WWP2: variants seen among roughly 807,000 people sequenced by gnomAD.
The protein encoded by WWP2 is NEDD4-like E3 ubiquitin-protein ligase WWP2.
Under a neutral mutation model 121.0 loss-of-function variants are expected in WWP2, and 57 were observed. The observed-to-expected ratio is 0.47, with a 90% confidence interval of 0.38 to 0.59. The LOEUF is 0.59. Ranked by LOEUF, WWP2 falls within the 20% of genes least tolerant of loss-of-function variation. The pLI is 0.00. For synonymous variants in WWP2, 449 were observed against 441.3 expected (o/e 1.02, Z -0.22); for missense variants, 962 against 1,158.9 (o/e 0.83, Z 2.47).
Position 69,937,551 on chromosome 16 carries a change from A to G in WWP2, c.2242A>G (p.Met748Val), listed in dbSNP as rs771571733. Residue 748 changes from methionine (M) to valine (V), a missense_variant, in exon 21 of 24, where the codon ATG becomes GTG. Transcript: ENST00000359154. This position sits in a 1 kb window ranked among gnomAD's most constrained non-coding sequence, Gnocchi z 6.6. Reference protein sequence around the residue: ...RYFDEKELELMLCGMQEIDMS... With the variant: ...RYFDEKELELVLCGMQEIDMS... ...GCTGACTGCCGCCTCTCCCCAGCTGATGCTGTGCGGCATGCAGGAGATAGA... is the reference window on the plus strand; with the variant it reads ...GCTGACTGCCGCCTCTCCCCAGCTGGTGCTGTGCGGCATGCAGGAGATAGA... 2 of 1,613,890 alleles carry G rather than the reference A, an allele frequency of 1.2e-6. No homozygotes were observed. The highest frequency in any genetic ancestry group is 8.5e-7 in the Non-Finnish European group (1 of 1,179,988).
intron 4 of WWP2, among the ~76,000 whole-genome samples, chr16:69,805,587 C>T (rs554713263): frequency 2.6e-4 from 39 of 150,404 alleles, no homozygotes; most frequent in Admixed American, 8.6e-4. Flanking sequence ...TTAATCATTG[C>T]AGGTTAAAAA....
At chr16:69,896,749 C>T (rs1467665057) in intron 8 of WWP2, among the ~76,000 whole-genome samples, 4 of 148,950 alleles carry the variant, frequency 2.7e-5, no homozygotes, top group African/African-American at 9.9e-5. Context: ...TTTTTAAACA[C>T]TAACTACAGC....
At chr16:69,843,965 GATCC>G (rs2057024415) in intron 6 of WWP2, among the ~76,000 whole-genome samples, 1 of 152,204 alleles carries the variant, frequency 6.6e-6, no homozygotes, top group Admixed American at 6.5e-5. Context: ...CATCTTAAAA[GATCC>G]CTCTGAGGAC....
intron 8 of WWP2, among the ~76,000 whole-genome samples, chr16:69,897,339 G>A (rs1597126973): frequency 6.6e-6 from 1 of 152,240 alleles, no homozygotes; most frequent in Admixed American, 6.5e-5. Context: ...CTGGGCTCAA[G>A]CAATCTGCTC....
intron 6 of WWP2, among the ~76,000 whole-genome samples, chr16:69,861,249 C>T (rs2151902937): frequency 6.6e-6 from 1 of 152,368 alleles, no homozygotes; most frequent in Non-Finnish European, 1.5e-5. Context: ...CCCCTCTGAA[C>T]TCTCTAGCTC....
chr16:69,928,605 A>T (rs1031868122), intron 11 of WWP2, among the ~76,000 whole-genome samples: 2 of 152,180 alleles, frequency 1.3e-5, no homozygotes, highest in African/African-American at 2.4e-5. Flanking sequence ...GCACATACTT[A>T]GGCCTAAGAA....
At chr16:69,762,695 C>T (rs2151759831) in intron 1 of WWP2, among the ~76,000 whole-genome samples, 1 of 152,156 alleles carries the variant, frequency 6.6e-6, no homozygotes, top group African/African-American at 2.4e-5. Flanking sequence ...GGTTCCCAGG[C>T]ATGGAGAGGA....
chr16:69,833,590 A>G (rs1199637040), intron 4 of WWP2, among the ~76,000 whole-genome samples: 1 of 152,206 alleles, frequency 6.6e-6, no homozygotes, highest in Non-Finnish European at 1.5e-5. Flanking sequence ...TCCATAAAGT[A>G]GCATTAGAAG....
intron 4 of WWP2, among the ~76,000 whole-genome samples, chr16:69,805,899 C>T (rs919059162): frequency 2.7e-5 from 4 of 150,728 alleles, no homozygotes; most frequent in Admixed American, 6.7e-5. Context: ...CTTTAAATTA[C>T]TATATTAATT....
chr16:69,807,728 G>A (rs2056311613), intron 4 of WWP2, among the ~76,000 whole-genome samples: 1 of 151,832 alleles, frequency 6.6e-6, no homozygotes, highest in Non-Finnish European at 1.5e-5. Context: ...TGAGGTGGTA[G>A]GATTGCTTGA....
At chr16:69,919,484 G>A (rs1045935920) in intron 10 of WWP2, among the ~76,000 whole-genome samples, 6 of 151,922 alleles carry the variant, frequency 3.9e-5, no homozygotes, top group Admixed American at 6.6e-5. Context: ...AAATTTTCTC[G>A]TCCAGAATTG....
intron 1 of WWP2, among the ~76,000 whole-genome samples, chr16:69,778,890 C>A (rs2055599571): frequency 6.6e-6 from 1 of 150,860 alleles, no homozygotes; most frequent in Non-Finnish European, 1.5e-5. Flanking sequence ...ATCCGCATGC[C>A]TGAGCCTCCC....
chr16:69,937,200 C>A lies in WWP2; in HGVS notation c.2200C>A (p.Leu734Met), dbSNP rs766242992. The change falls in exon 20 of 24, where the codon CTG becomes ATG. Residue 734 changes from leucine (L) to methionine (M), a missense_variant. Physicochemically the swap from Leu to Met is conservative, Grantham distance 15. Coordinates refer to ENST00000359154, the MANE Select transcript of WWP2 (RefSeq NM_001270454.2). This position sits in a 1 kb window ranked among gnomAD's most constrained non-coding sequence, Gnocchi z 6.6. ...GGATGGCTTCAACGAGGTGGCCCCG[C>A]TGGAGTGGCTGCGCTACTTTGACGA... ...FLDGFNEVAP[L>M]EWLRYFDEKE... 6 of 1,613,778 alleles carry A rather than the reference C, an allele frequency of 3.7e-6. No individual in the cohort carries two copies. The South Asian group carries it at 4.4e-5, about 12-fold the overall frequency.
intron 10 of WWP2, among the ~76,000 whole-genome samples, chr16:69,924,682 A>AC (rs1291329828): frequency 5.0e-5 from 5 of 99,932 alleles, no homozygotes; most frequent in African/African-American, 1.1e-4. Flanking sequence ...TTGCTGCCCC[A>AC]CCCCCAGCCC....
At chr16:69,878,643 T>G (rs1259060800) in intron 7 of WWP2, among the ~76,000 whole-genome samples, 2 of 152,190 alleles carry the variant, frequency 1.3e-5, no homozygotes, top group African/African-American at 4.8e-5. Flanking sequence ...ATTGCAGACG[T>G]GAGCCACTGC....
chr16:69,800,357 A>G (rs140738693), intron 4 of WWP2, among the ~76,000 whole-genome samples: 3 of 152,266 alleles, frequency 2.0e-5, no homozygotes, highest in Non-Finnish European at 4.4e-5. Flanking sequence ...ATCAGGGAGA[A>G]TTCTATTTAT....
chr16:69,775,513 A>G (rs988953127), intron 1 of WWP2, among the ~76,000 whole-genome samples: 4 of 152,144 alleles, frequency 2.6e-5, no homozygotes, highest in African/African-American at 9.7e-5. Flanking sequence ...GTTGACTCTT[A>G]TAGTTGCTAT....
intron 4 of WWP2, among the ~76,000 whole-genome samples, chr16:69,836,946 G>T (rs978606920): frequency 1.4e-5 from 2 of 148,146 alleles, no homozygotes; most frequent in Non-Finnish European, 3.0e-5. Context: ...TTTTTGAGAC[G>T]CAGTCTCATT....
Position 69,936,322 on chromosome 16 carries a change from C to G in WWP2, c.1987C>G (p.Leu663Val). Residue 663 changes from leucine to valine, a missense_variant, in exon 19 of 24, where the codon CTG becomes GTG. Transcript: ENST00000359154. ...NSIVWIKENN[L>V]EECGLELYFI... Reference sequence around the variant, plus strand: ...CTCCTGTGCCCCCAGAGAGAACAACCTGGAAGAATGTGGCCTGGAGCTGTA... The same window carrying G: ...CTCCTGTGCCCCCAGAGAGAACAACGTGGAAGAATGTGGCCTGGAGCTGTA... 6.2e-7 allele frequency: 1 copy of G among 1,614,134 alleles called. No individual in the cohort carries two copies. Among genetic ancestry groups the G allele is most frequent in the Non-Finnish European group, 8.5e-7 (1 of 1,180,028 alleles).
Sources: gnomAD v4.1 joint callset for allele counts (sites outside exome capture counted in the v4.1 genomes callset) on GRCh38, gnomAD v4.1.1 for gene constraint, Gnocchi (gnomAD v3.1) non-coding constraint, MANE v1.5 for transcripts, NCBI Gene and HGNC (gene_info 2026-07-23, HGNC 2026-07-21) for gene names.